The following GSE1 variants were observed in gnomAD, a reference collection of about 807,000 sequenced individuals.
GSE1 encodes the protein genetic suppressor element 1.
In GSE1, 32 loss-of-function variants were observed where a neutral mutation model predicts 112.6. That is an observed-to-expected ratio of 0.28 (90% CI 0.21 to 0.38). The LOEUF (loss-of-function observed/expected upper bound fraction) is 0.38, where lower values mean the gene tolerates loss of function less well. Among genes scored for constraint, GSE1 ranks in the 10% least tolerant of loss-of-function variants. The probability of loss-of-function intolerance (pLI) is 1.00; values close to 1 mark genes in which losing one functional copy is unlikely to be tolerated. For synonymous variants in GSE1, 1,115 were observed against 735.6 expected (o/e 1.52, Z -8.35); for missense variants, 2,348 against 1,699.2 (o/e 1.38, Z -6.71).
rs189814882 is a variant in GSE1 at position 85,569,613 on chromosome 16, G to T, written c.37+13250G>T. 4.5e-3 allele frequency among the ~76,000 whole-genome samples: 689 copies of T among 152,314 alleles called. 5 individuals carry two copies. Among genetic ancestry groups the T allele is most frequent in the African/African-American group, 0.016 (651 of 41,558 alleles). Reference sequence around the variant, plus strand: ...GTCTGTGTGATCGTCATCATCACTGGATTTCCTGCTGGGAGAGAAGCTCCA... The same window carrying T: ...GTCTGTGTGATCGTCATCATCACTGTATTTCCTGCTGGGAGAGAAGCTCCA... On this transcript the variant is annotated intron_variant, in intron 1 of 2. Coordinates refer to the GSE1 transcript ENST00000635906.
In GSE1 at chr16:85,170,822, G is replaced by A. The variant is rs2074347703; in HGVS notation, c.1298G>A (p.Trp433Ter). The change falls in exon 1 of 3, where the codon TGG becomes TAG. Residue 433 changes from tryptophan to a stop codon, truncating the protein, a stop_gained. Transcript: ENST00000637419. LOFTEE classifies it high-confidence loss of function. ...TGCTTCTCCTCCCTCACGCAGCAGT[G>A]GCAGAGCTTCGAGCTGGCCAACGTG... The A allele has an allele frequency of 1.0e-6, 1 of 985,462 alleles. No individual in the cohort carries two copies. The allele number at this position is 985,462 out of a possible 1,614,324, so 61.0% of individuals were successfully genotyped here.
intron 2 of GSE1, among the ~76,000 whole-genome samples, chr16:85,414,378 A>G (rs1291421048): frequency 6.6e-6 from 1 of 152,228 alleles, no homozygotes; most frequent in African/African-American, 2.4e-5. Context: ...TTATATCATG[A>G]CGCAGGCCAT....
In GSE1 at chr16:85,514,432, CCCCCA is replaced by C. The variant is rs1162215253; in HGVS notation, c.2465-119476_2465-119472del. ...ATGCCCGCATGCTCTCGAGTCCCCC[CCCCCA>C]CCCCAGGGCAGCTCCTGGGGCATCC... On this transcript the variant is annotated intron_variant, in intron 2 of 2. Transcript: ENST00000637419. 4.6e-4 allele frequency among the ~76,000 whole-genome samples: 49 copies of C among 107,506 alleles called. 2 individuals carry two copies. The highest frequency in any genetic ancestry group is 1.7e-3 in the African/African-American group (46 of 27,760). 70.5% of individuals were successfully genotyped at this position (107,506 alleles called of 152,430 possible). A position where few individuals can be genotyped will look rare whatever the true frequency, so the allele number is the denominator to read the frequency against.
intron 2 of GSE1, among the ~76,000 whole-genome samples, chr16:85,520,145 G>A (rs2052131510): frequency 6.6e-6 from 1 of 152,236 alleles, no homozygotes; most frequent in Admixed American, 6.5e-5. Flanking sequence ...GCTGGCAGAT[G>A]AGGTGTTTGG....
intron 9 of GSE1, chr16:85,662,712 G>T (rs554086776): frequency 1.9e-5 from 9 of 469,620 alleles, no homozygotes; most frequent in Admixed American, 1.9e-4. Context: ...TCCCTGCCAG[G>T]GGGAGGAGGG....
chr16:85,629,257 G>A (rs1222905616), intron 1 of GSE1, among the ~76,000 whole-genome samples: 6 of 152,192 alleles, frequency 3.9e-5, no homozygotes, highest in Non-Finnish European at 8.8e-5. Flanking sequence ...TAGCAACACA[G>A]ACAGCCTAGT....
At chr16:85,502,033 C>T (rs1183589605) in intron 2 of GSE1, among the ~76,000 whole-genome samples, 1 of 152,178 alleles carries the variant, frequency 6.6e-6, no homozygotes, top group Non-Finnish European at 1.5e-5. Context: ...CTCTCTCTTG[C>T]AGGAAGATCC....
intron 1 of GSE1, chr16:85,185,173 T>C (rs2074674267): frequency 6.6e-6 from 1 of 152,268 alleles, no homozygotes; most frequent in South Asian, 2.1e-4. Flanking sequence ...GGCAGCATCT[T>C]TGTCTTGGCA....
At chr16:85,656,038 C>A in intron 6 of GSE1, 121 bp downstream of exon 6, 3 of 787,916 alleles carry the variant, frequency 3.8e-6, no homozygotes, top group Non-Finnish European at 6.0e-6. Context: ...CACAGTTTGT[C>A]CACCTGCCAA....
chr16:85,602,218 C>T (rs1228269420), intron 1 of GSE1, among the ~76,000 whole-genome samples: 1 of 151,802 alleles, frequency 6.6e-6, no homozygotes, highest in Non-Finnish European at 1.5e-5. Context: ...ACACAGCGCC[C>T]AGGGGGTTGC....
chr16:85,514,055 A>G (rs1413130027), intron 2 of GSE1, among the ~76,000 whole-genome samples: 1 of 152,040 alleles, frequency 6.6e-6, no homozygotes, highest in African/African-American at 2.4e-5. Context: ...GGGTGATTCC[A>G]GGCTGAAGAA....
chr16:85,202,641 A>G (rs1700850536), intron 1 of GSE1, among the ~76,000 whole-genome samples: 1 of 151,744 alleles, frequency 6.6e-6, no homozygotes, highest in African/African-American at 2.4e-5. Flanking sequence ...TTCATGGGGG[A>G]CCCTTCGATC....
intron 3 of GSE1, among the ~76,000 whole-genome samples, chr16:85,652,560 C>T (rs2051458472): frequency 6.6e-6 from 1 of 152,150 alleles, no homozygotes; most frequent in Admixed American, 6.5e-5. Flanking sequence ...GCGGCGGCGG[C>T]GGCGGCTCCT....
At chr16:85,468,446 A>T (rs559459229) in intron 2 of GSE1, among the ~76,000 whole-genome samples, 1 of 150,900 alleles carries the variant, frequency 6.6e-6, no homozygotes, top group Non-Finnish European at 1.5e-5. Flanking sequence ...CCTCCTGAGT[A>T]GCTGACATTA....
chr16:85,675,726 T>A lies in GSE1; in HGVS notation c.*3187T>A, dbSNP rs1400591882. ...CTGAGCCACATGTTTCACACAAGTG[T>A]AGAAAATGCCAGGGATCCACCACAA... is the stretch of plus-strand genomic sequence containing the variant. On this transcript the variant is annotated 3_prime_UTR_variant, in exon 16 of 16. Coordinates refer to ENST00000253458, the MANE Select transcript of GSE1 (RefSeq NM_014615.5). The A allele has an allele frequency of 6.6e-6, 1 of 152,330 alleles. No individual in the cohort carries two copies. Among genetic ancestry groups the A allele is most frequent in the Middle Eastern group, 3.4e-3 (1 of 294 alleles). 9.4% of individuals were successfully genotyped at this position (152,330 alleles called of 1,614,324 possible). A position where few individuals can be genotyped will look rare whatever the true frequency, so the allele number is the denominator to read the frequency against.
intron 2 of GSE1, among the ~76,000 whole-genome samples, chr16:85,533,005 G>T (rs777794208): frequency 1.3e-5 from 2 of 152,196 alleles, no homozygotes; most frequent in Non-Finnish European, 2.9e-5. Context: ...CTGTTCTGCC[G>T]GAGGTGTCGG....
At chr16:85,217,064 A>G (rs999471759) in intron 1 of GSE1, among the ~76,000 whole-genome samples, 6 of 152,232 alleles carry the variant, frequency 3.9e-5, no homozygotes, top group Non-Finnish European at 7.3e-5. Context: ...TGGCTGCGCC[A>G]GGTAATCCTG....
chr16:85,568,290 G>A (rs937876358), intron 1 of GSE1, among the ~76,000 whole-genome samples: 1 of 152,206 alleles, frequency 6.6e-6, no homozygotes, highest in Non-Finnish European at 1.5e-5. Context: ...GTGCCCTGGT[G>A]GGGAGGCTGG....
chr16:85,271,715 C>T (rs759807721), intron 1 of GSE1, among the ~76,000 whole-genome samples: 13 of 152,362 alleles, frequency 8.5e-5, no homozygotes, highest in Non-Finnish European at 1.5e-4. Context: ...GACCCACCAC[C>T]TCTGCCACTT....
Sources: gnomAD v4.1 joint callset for allele counts (sites outside exome capture counted in the v4.1 genomes callset) on GRCh38, gnomAD v4.1.1 for gene constraint, MANE v1.5 for transcripts, NCBI Gene and HGNC (gene_info 2026-07-23, HGNC 2026-07-21) for gene names.